EFHC2: variants seen among roughly 807,000 people sequenced by gnomAD.
The protein encoded by EFHC2 is EF-hand domain-containing family member C2.
A neutral mutation model predicts 52.7 loss-of-function variants in EFHC2; 18 were observed. The ratio of observed to expected loss-of-function variants is 0.34; its 90% CI spans 0.24 to 0.51. The LOEUF is 0.51. Ranked by LOEUF, EFHC2 falls within the 20% of genes least tolerant of loss-of-function variation. The probability of loss-of-function intolerance (pLI) is 0.97; values close to 1 mark genes in which losing one functional copy is unlikely to be tolerated. For synonymous variants in EFHC2, 203 were observed against 204.1 expected (o/e 0.99, Z 0.04); for missense variants, 513 against 562.5 (o/e 0.91, Z 0.89).
intron 2 of EFHC2, among the ~76,000 whole-genome samples, chrX:44,290,513 T>C (rs2037785450): frequency 1.9e-5 from 2 of 106,507 alleles, no homozygotes; most frequent in South Asian, 8.9e-4. Context: ...AAACCTTAAG[T>C]TTCTTTGTTC....
chrX:44,192,349 T>C (rs993974311), intron 11 of EFHC2, among the ~76,000 whole-genome samples: 13 of 112,028 alleles, frequency 1.2e-4, no homozygotes, highest in African/African-American at 3.9e-4. Context: ...CCTCTGTGTA[T>C]TGCCTGAGGT....
chrX:44,294,729 A>G (rs1003415881), intron 2 of EFHC2, among the ~76,000 whole-genome samples: 11 of 111,923 alleles, frequency 9.8e-5, no homozygotes, highest in African/African-American at 3.6e-4. Context: ...GGGGAATAAG[A>G]CTATATGCAA....
rs1326451374 is a variant in EFHC2, at chrX:44,148,241, G to GTGTGTGTGTGTC, written c.*553_*554insGACACACACACA. ...TGTGTGTGCACGTGCGTGTGTGTGT[G>GTGTGTGTGTGTC]TGTGTGTGTGTGTGTTGGAGGTTCT... On this transcript the variant is annotated 3_prime_UTR_variant, in exon 15 of 15. Coordinates refer to ENST00000420999, the MANE Select transcript of EFHC2 (RefSeq NM_025184.4). The GTGTGTGTGTGTC allele has an allele frequency of 9.0e-6, 1 of 111,289 alleles. No individual in the cohort carries two copies. Among genetic ancestry groups the GTGTGTGTGTGTC allele is most frequent in the Non-Finnish European group, 1.9e-5 (1 of 53,750 alleles). 9.2% of individuals were successfully genotyped at this position (111,289 alleles called of 1,213,427 possible).
At chrX:44,302,372 GGGAA>G (rs1188983935) in intron 2 of EFHC2, among the ~76,000 whole-genome samples, 4 of 112,000 alleles carry the variant, frequency 3.6e-5, no homozygotes, top group African/African-American at 1.3e-4. Context: ...TTAGAAAAGA[GGGAA>G]GGAAGAACTC....
At chrX:44,303,698 T>C (rs1440356045) in intron 2 of EFHC2, among the ~76,000 whole-genome samples, 1 of 110,701 alleles carries the variant, frequency 9.0e-6, no homozygotes, top group East Asian at 2.8e-4. Context: ...TTTATTTTTA[T>C]ATTGTTCAAA....
chrX:44,330,205 G>A (rs765372142), intron 1 of EFHC2, among the ~76,000 whole-genome samples: 30 of 108,862 alleles, frequency 2.8e-4, no homozygotes, highest in Non-Finnish European at 5.2e-4. Context: ...GCAGTGAGCC[G>A]AGATTGTGCC....
intron 11 of EFHC2, among the ~76,000 whole-genome samples, chrX:44,214,474 T>C (rs2037127471): frequency 8.9e-6 from 1 of 112,037 alleles, no homozygotes; most frequent in Admixed American, 9.4e-5. Flanking sequence ...ATTTAAAGTG[T>C]TGAGAGAAAA....
rs754947853 is a variant in EFHC2 at position 44,245,593 on chromosome X, C to A, written c.1111+2679G>T. 5.3e-5 allele frequency among the ~76,000 whole-genome samples: 6 copies of A among 112,158 alleles called. No individual in the cohort carries two copies. In the South Asian group the frequency reaches 2.2e-3, roughly 42 times the overall value. On this transcript the variant is annotated intron_variant, in intron 7 of 14. Coordinates refer to ENST00000420999, the MANE Select transcript of EFHC2 (RefSeq NM_025184.4). The stretch of plus-strand genomic sequence containing the variant: ...AGCCAGGGCCAGCAGGATGGCCAAA[C>A]TGTCTGATGGAGGGGGTCCCACTGC...
chrX:44,306,433 A>C (rs1280502032), intron 2 of EFHC2, among the ~76,000 whole-genome samples: 1 of 111,327 alleles, frequency 9.0e-6, no homozygotes, highest in African/African-American at 3.3e-5. Flanking sequence ...AGCCCCACCC[A>C]ATAAATCTTA....
intron 1 of EFHC2, among the ~76,000 whole-genome samples, chrX:44,329,757 C>A (rs998338867): frequency 9.2e-6 from 1 of 108,632 alleles, no homozygotes; most frequent in African/African-American, 3.4e-5. Flanking sequence ...TGCACCCCAC[C>A]ACACCGGGCT....
intron 8 of EFHC2, among the ~76,000 whole-genome samples, chrX:44,240,053 T>C (rs910087282): frequency 1.1e-4 from 12 of 112,391 alleles, no homozygotes; most frequent in African/African-American, 3.6e-4. Flanking sequence ...GCAATATATA[T>C]ATAATCAATG....
At position 44,265,431 on chromosome X, in the gene EFHC2, CT is replaced by C. The variant is rs750384789; in HGVS notation, c.383-4134del. Reference sequence around the variant, plus strand: ...GAGATTACGGGCATGGCCACCACGCCTGGCTAACTTTTTATTTTTTGTAGAG... The same window carrying C: ...GAGATTACGGGCATGGCCACCACGCCGGCTAACTTTTTATTTTTTGTAGAG... On this transcript the variant is annotated intron_variant, in intron 3 of 14. Transcript: ENST00000420999. 2.7e-5 allele frequency among the ~76,000 whole-genome samples: 3 copies of C among 111,177 alleles called. No individual in the cohort carries two copies. In the South Asian group the frequency reaches 1.1e-3, roughly 42 times the overall value.
intron 7 of EFHC2, 102 bp downstream of exon 7, chrX:44,248,170 G>A (rs1569292971): frequency 6.0e-6 from 4 of 672,016 alleles, no homozygotes; most frequent in Non-Finnish European, 8.6e-6. Context: ...ATAAGTGGTA[G>A]CTATTATGAG....
intron 11 of EFHC2, among the ~76,000 whole-genome samples, chrX:44,186,153 C>T (rs377599119): frequency 9.0e-6 from 1 of 111,305 alleles, no homozygotes; most frequent in Non-Finnish European, 1.9e-5. Context: ...AGACTTCAGG[C>T]CTGTTTAAGT....
At chrX:44,277,802 G>A (rs998552160) in intron 2 of EFHC2, among the ~76,000 whole-genome samples, 3 of 109,235 alleles carry the variant, frequency 2.7e-5, no homozygotes, top group Non-Finnish European at 5.7e-5. Context: ...ACCTATAAAC[G>A]AAAATTGTCA....
chrX:44,242,031 G>T, intron 8 of EFHC2, 90 bp downstream of exon 8: 1 of 912,565 alleles, frequency 1.1e-6, no homozygotes, highest in Non-Finnish European at 1.5e-6. Context: ...TAGATGAGCT[G>T]CGTGACATCT....
At chrX:44,244,399 C>T (rs1285092792) in intron 7 of EFHC2, among the ~76,000 whole-genome samples, 1 of 111,930 alleles carries the variant, frequency 8.9e-6, no homozygotes, top group African/African-American at 3.3e-5. Flanking sequence ...TTCCATCATC[C>T]CAGCATCCTG....
chrX:44,264,657 C>A (rs902729140), intron 3 of EFHC2, among the ~76,000 whole-genome samples: 1 of 112,147 alleles, frequency 8.9e-6, no homozygotes, highest in African/African-American at 3.2e-5. Context: ...ATCAGAAAAC[C>A]AAGGTGGGCC....
At chrX:44,271,534 C>T (rs1163223776) in intron 3 of EFHC2, among the ~76,000 whole-genome samples, 5 of 111,167 alleles carry the variant, frequency 4.5e-5, no homozygotes, top group African/African-American at 1.6e-4. Context: ...ATCAGCTCGT[C>T]AAGGAACTGA....
Sources: allele counts gnomAD v4.1 joint callset (sites outside exome capture counted in the v4.1 genomes callset), GRCh38; gene constraint gnomAD v4.1.1; transcripts MANE v1.5; gene names NCBI Gene and HGNC (gene_info 2026-07-23, HGNC 2026-07-21).